PSEN2: variants seen among roughly 807,000 people sequenced by gnomAD.
PSEN2 encodes the protein presenilin 2.
Under a neutral mutation model 49.1 loss-of-function variants are expected in PSEN2, and 32 were observed. The ratio of observed to expected loss-of-function variants is 0.65; its 90% confidence interval spans 0.49 to 0.88. PSEN2 has a LOEUF of 0.88. Among genes scored for constraint, PSEN2 ranks in the 40% least tolerant of loss-of-function variants. The probability of loss-of-function intolerance (pLI) is 0.00; values close to 1 mark genes in which losing one functional copy is unlikely to be tolerated. For missense variants in PSEN2, 522 were observed against 586.9 expected (o/e 0.89, Z 1.14); for synonymous variants, 255 against 244.0 (o/e 1.05, Z -0.42).
downstream of PSEN2, among the ~76,000 whole-genome samples, chr1:226,901,656 C>A (rs74139857): frequency 6.6e-6 from 1 of 152,060 alleles, no homozygotes; most frequent in Non-Finnish European, 1.5e-5. Context: ...TGACTAATGA[C>A]GTTGGGCACC....
intron 6 of PSEN2, 68 bp downstream of exon 6, chr1:226,885,747 C>T (rs541495335): frequency 1.3e-5 from 20 of 1,582,172 alleles, no homozygotes; most frequent in African/African-American, 2.7e-5. Flanking sequence ...CGGCAGGGCC[C>T]GTGAAACAGC....
intron 11 of PSEN2, among the ~76,000 whole-genome samples, chr1:226,892,819 G>C (rs1374905170): frequency 1.3e-5 from 2 of 152,194 alleles, no homozygotes; most frequent in South Asian, 4.1e-4. Context: ...TGCCACTTGT[G>C]CTTCTGACCG....
At chr1:226,890,878 C>A in intron 9 of PSEN2, 1 of 248,304 alleles carries the variant, frequency 4.0e-6, no homozygotes, top group Non-Finnish European at 7.9e-6. Flanking sequence ...GATTCGAGCC[C>A]GTAGAGGAGA....
intron 12 of PSEN2, among the ~76,000 whole-genome samples, chr1:226,902,071 C>T (rs1035695367): frequency 6.6e-6 from 1 of 152,050 alleles, no homozygotes; most frequent in African/African-American, 2.4e-5. Context: ...CTTTAGGGAC[C>T]AGGGACTGGT....
At chr1:226,891,684 C>G (rs1269337740) in intron 10 of PSEN2, 59 bp from the exon 11 acceptor site, 2 of 1,433,804 alleles carry the variant, frequency 1.4e-6, no homozygotes, top group Non-Finnish European at 2.0e-6. Flanking sequence ...TGTTGTTTCT[C>G]TCTCTTGTTG....
At chr1:226,890,885 G>T in intron 9 of PSEN2, 1 of 259,074 alleles carries the variant, frequency 3.9e-6, no homozygotes, top group Non-Finnish European at 7.5e-6. Context: ...GCCCGTAGAG[G>T]AGAATCGCCT....
chr1:226,901,594 G>A (rs1013469481), downstream of PSEN2, among the ~76,000 whole-genome samples: 8 of 147,074 alleles, frequency 5.4e-5, no homozygotes, highest in African/African-American at 1.6e-4. Flanking sequence ...AGCTATTCAT[G>A]TGTGTGTGAA....
intron 11 of PSEN2, 96 bp from the exon 12 acceptor site, chr1:226,893,911 G>A: frequency 9.2e-7 from 1 of 1,087,270 alleles, no homozygotes; most frequent in Non-Finnish European, 1.4e-6. Context: ...GGGCTGGGCT[G>A]GGCAAGAGCA....
intron 2 of PSEN2, among the ~76,000 whole-genome samples, chr1:226,874,653 A>G (rs1271746991): frequency 1.3e-5 from 2 of 152,066 alleles, no homozygotes; most frequent in African/African-American, 4.8e-5. Flanking sequence ...CCTCCATTTC[A>G]TCTTCTTTAT....
intron 3 of PSEN2, among the ~76,000 whole-genome samples, chr1:226,881,373 C>T (rs1459761355): frequency 1.3e-5 from 2 of 152,176 alleles, no homozygotes; most frequent in South Asian, 2.1e-4. Context: ...AACCAGTCTC[C>T]ATCAGATAGG....
At chr1:226,876,261 T>C (rs1036696337) in intron 3 of PSEN2, among the ~76,000 whole-genome samples, 2 of 152,176 alleles carry the variant, frequency 1.3e-5, no homozygotes, top group African/African-American at 4.8e-5. Flanking sequence ...CTTAGGTGGC[T>C]TGCAAAGCAG....
downstream of PSEN2, among the ~76,000 whole-genome samples, chr1:226,900,137 G>A (rs753162960): frequency 1.7e-4 from 26 of 152,158 alleles, no homozygotes; most frequent in East Asian, 3.9e-4. Flanking sequence ...CTTCAAAGAC[G>A]GTGGAAATGG....
At chr1:226,881,843 G>A in intron 3 of PSEN2, 45 bp from the exon 4 acceptor site, 1 of 1,613,116 alleles carries the variant, frequency 6.2e-7, no homozygotes, top group Middle Eastern at 1.7e-4. Flanking sequence ...CACTGCCTTT[G>A]TCTCACAGGA....
intron 12 of PSEN2, among the ~76,000 whole-genome samples, chr1:226,902,559 A>G (rs899212593): frequency 6.6e-6 from 1 of 152,152 alleles, no homozygotes; most frequent in African/African-American, 2.4e-5. Flanking sequence ...AAGGGAAGTC[A>G]GTGGGGTTGG....
chr1:226,893,806 A>G (rs1661917330), intron 11 of PSEN2, among the ~76,000 whole-genome samples: 1 of 152,120 alleles, frequency 6.6e-6, no homozygotes, highest in Admixed American at 6.5e-5. Context: ...CACCCAGTCC[A>G]CAGGTGTCCC....
intron 8 of PSEN2, among the ~76,000 whole-genome samples, 176 bp downstream of exon 8, chr1:226,889,225 C>G (rs1661576467): frequency 6.6e-6 from 1 of 152,008 alleles, no homozygotes; most frequent in Admixed American, 6.6e-5. Context: ...TCCACTATTT[C>G]TGGAACACTC....
In PSEN2 at chr1:226,882,036, C is replaced by T. The variant is rs6759; in HGVS notation, c.129C>T (p.Asn43=). 0.51 allele frequency: 825,265 copies of T among 1,613,682 alleles called. 213,053 individuals are homozygous for T. The highest frequency in any genetic ancestry group is 0.66 in the Middle Eastern group (3,964 of 6,044). The change falls in exon 4 of 13, where the codon AAC becomes AAT. Residue 43 remains asparagine (N), a synonymous_variant. Coordinates refer to ENST00000366783, the MANE Select transcript of PSEN2 (RefSeq NM_000447.3). Reference sequence around the variant, plus strand: ...GGCAGGGCCCAGAGGATGGAGAGAACACTGCCCAGTGGGTAGGTCCCACCA... The same window carrying T: ...GGCAGGGCCCAGAGGATGGAGAGAATACTGCCCAGTGGGTAGGTCCCACCA... ...EGRQGPEDGE[N]TAQWRSQENE...
chr1:226,885,923 G>A (rs1480489525), intron 6 of PSEN2, among the ~76,000 whole-genome samples: 1 of 147,750 alleles, frequency 6.8e-6, no homozygotes, highest in Non-Finnish European at 1.5e-5. Flanking sequence ...AGGCTGGAGT[G>A]CAGTGGTGCG....
intron 2 of PSEN2, among the ~76,000 whole-genome samples, chr1:226,871,670 C>T (rs1436478877): frequency 6.6e-6 from 1 of 152,208 alleles, no homozygotes; most frequent in Non-Finnish European, 1.5e-5. Flanking sequence ...TGATTAGGAC[C>T]GACCCCAGCT....
Sources: allele counts gnomAD v4.1 joint callset (sites outside exome capture counted in the v4.1 genomes callset), GRCh38; gene constraint gnomAD v4.1.1; transcripts MANE v1.5; gene names NCBI Gene and HGNC (gene_info 2026-07-23, HGNC 2026-07-21).